MOCOS: variants seen among roughly 807,000 people sequenced by gnomAD.
MOCOS encodes the protein human molybdenum cofactor sulfurase.
MOCOS carries 86 observed loss-of-function variants against 83.6 expected under a neutral mutation model. That is an observed-to-expected ratio of 1.03 (90% confidence interval 0.86 to 1.23). The LOEUF (loss-of-function observed/expected upper bound fraction) is 1.23, where lower values mean the gene tolerates loss of function less well. Ranked by LOEUF, MOCOS falls within the 50% of genes most tolerant of loss-of-function variation. The pLI is 0.00. For synonymous variants in MOCOS, 445 were observed against 434.7 expected, an observed-to-expected ratio of 1.02 and a Z score of -0.29; for missense variants, 1,120 against 1,126.9, an observed-to-expected ratio of 0.99 and a Z score of 0.09.
At chr18:36,196,797 C>A (rs770270525) in intron 2 of MOCOS, among the ~76,000 whole-genome samples, 2 of 151,808 alleles carry the variant, frequency 1.3e-5, no homozygotes, top group Non-Finnish European at 2.9e-5. Flanking sequence ...AGGATAATTA[C>A]CAGGTCCCAC....
intron 4 of MOCOS, among the ~76,000 whole-genome samples, chr18:36,200,920 C>T (rs996706989): frequency 3.9e-5 from 6 of 152,236 alleles, no homozygotes; most frequent in African/African-American, 1.4e-4. Context: ...CAGGTTGTCA[C>T]TTGCCCTCAA....
At chr18:36,246,863 C>T (rs1419242454) in intron 9 of MOCOS, among the ~76,000 whole-genome samples, 2 of 152,146 alleles carry the variant, frequency 1.3e-5, no homozygotes, top group Admixed American at 6.5e-5. Flanking sequence ...TTTTGCCCTG[C>T]CTTGGCTAGG....
intron 1 of MOCOS, chr18:36,190,082 A>G (rs1376100331): frequency 1.3e-5 from 2 of 152,210 alleles, no homozygotes; most frequent in African/African-American, 4.8e-5. Flanking sequence ...CATTGGACCA[A>G]AAGCCAAAGC....
intron 9 of MOCOS, among the ~76,000 whole-genome samples, chr18:36,238,665 C>G (rs1378625050): frequency 1.1e-4 from 15 of 132,824 alleles, no homozygotes; most frequent in Non-Finnish European, 2.2e-4. Context: ...TGGTGCAGAG[C>G]TGAGTTCAAT....
chr18:36,252,473 A>C (rs2091625624), intron 11 of MOCOS, among the ~76,000 whole-genome samples: 1 of 152,056 alleles, frequency 6.6e-6, no homozygotes, highest in Non-Finnish European at 1.5e-5. Context: ...TGGGAGGATC[A>C]CTTGAGCCTG....
At chr18:36,214,679 A>G (rs548484105) in intron 7 of MOCOS, among the ~76,000 whole-genome samples, 81 of 152,198 alleles carry the variant, frequency 5.3e-4, no homozygotes, top group Middle Eastern at 3.4e-3. Flanking sequence ...GATCTCAACT[A>G]ACCATGAACT....
At position 36,220,098 on chromosome 18, in the gene MOCOS, G is replaced by C; in HGVS notation, c.1841G>C (p.Arg614Pro). The C allele has an allele frequency of 1.2e-6, 2 of 1,613,832 alleles. No homozygotes were observed. Among genetic ancestry groups the C allele is most frequent in the South Asian group, 2.2e-5 (2 of 91,074 alleles). Residue 614 changes from arginine (R) to proline (P), a missense_variant, in exon 9 of 15, where the codon CGG (arginine) becomes CCG (proline). Physicochemically the swap from Arg to Pro is moderately radical, Grantham distance 103. Coordinates refer to ENST00000261326, the MANE Select transcript of MOCOS (RefSeq NM_017947.4). Reference sequence around the variant, plus strand: ...GGAAACCAAGGGCTGCTATATGACCGGAGCTGGATGGTTGTGAATCACAAT... The same window carrying C: ...GGAAACCAAGGGCTGCTATATGACCCGAGCTGGATGGTTGTGAATCACAAT... ...PVGNQGLLYDRSWMVVNHNGV... is the reference protein window; with the variant it reads ...PVGNQGLLYDPSWMVVNHNGV...
Position 36,270,359 on chromosome 18 carries a change from C to T in MOCOS, c.*1674C>T, listed in dbSNP as rs12458900. Reference sequence around the variant, plus strand: ...ACATTGCCCCATTTCCAAGACCTTCCGCTGACAAATGCATCATATTAATTA... The same window carrying T: ...ACATTGCCCCATTTCCAAGACCTTCTGCTGACAAATGCATCATATTAATTA... On this transcript the variant is annotated 3_prime_UTR_variant, in exon 15 of 15. Coordinates refer to ENST00000261326, the MANE Select transcript of MOCOS (RefSeq NM_017947.4). The T allele has an allele frequency of 0.21, 32,341 of 151,976 alleles. 3,656 individuals are homozygous for T. Among genetic ancestry groups the T allele is most frequent in the Non-Finnish European group, 0.25 (16,807 of 67,960 alleles). 9.4% of individuals were successfully genotyped at this position (151,976 alleles called of 1,614,324 possible).
At chr18:36,214,546 A>C (rs2091468549) in intron 7 of MOCOS, among the ~76,000 whole-genome samples, 1 of 152,034 alleles carries the variant, frequency 6.6e-6, no homozygotes. Flanking sequence ...GAGGTTTTTC[A>C]CTTCAGGGTA....
intron 9 of MOCOS, among the ~76,000 whole-genome samples, 160 bp from the exon 10 acceptor site, chr18:36,248,762 A>G (rs553250710): frequency 6.6e-6 from 1 of 152,062 alleles, no homozygotes; most frequent in East Asian, 1.9e-4. Flanking sequence ...AAATGTGTGG[A>G]TTTATATTTT....
intron 1 of MOCOS, among the ~76,000 whole-genome samples, chr18:36,188,218 T>G (rs1056486818): frequency 6.6e-6 from 1 of 152,248 alleles, no homozygotes; most frequent in Non-Finnish European, 1.5e-5. Context: ...TGTATTCAGC[T>G]TTGATTTTCG....
At chr18:36,225,261 C>G (rs976734737) in intron 9 of MOCOS, among the ~76,000 whole-genome samples, 1 of 152,102 alleles carries the variant, frequency 6.6e-6, no homozygotes, top group Admixed American at 6.5e-5. Flanking sequence ...AAGTGATTCT[C>G]CTGCCTCAGC....
chr18:36,221,558 A>G (rs1368079213), intron 9 of MOCOS, among the ~76,000 whole-genome samples: 3 of 152,086 alleles, frequency 2.0e-5, no homozygotes, highest in Admixed American at 6.6e-5. Context: ...CTTTTGTGAT[A>G]TATAACATTT....
At position 36,261,515 on chromosome 18, in the gene MOCOS, C is replaced by T. The variant is rs1183453286; in HGVS notation, c.2409+1340C>T. On this transcript the variant is annotated intron_variant, in intron 13 of 14. Coordinates refer to ENST00000261326, the MANE Select transcript of MOCOS (RefSeq NM_017947.4). ...ATTCAGGCTCTGCACTCAGAAGGAA[C>T]ACCACTCTAACATCTAGGAAAGCAG... Among the ~76,000 whole-genome samples the T allele has an allele frequency of 2.0e-5, 3 of 152,172 alleles. No homozygotes were observed. In the East Asian group the frequency reaches 5.8e-4, roughly 29 times the overall value.
chr18:36,220,884 G>A (rs1040212791), intron 9 of MOCOS, among the ~76,000 whole-genome samples: 1 of 150,746 alleles, frequency 6.6e-6, no homozygotes, highest in African/African-American at 2.4e-5. Context: ...AGCCCAGATC[G>A]CACCACTGCA....
At chr18:36,197,305 T>C (rs1316553132) in intron 2 of MOCOS, among the ~76,000 whole-genome samples, 1 of 152,172 alleles carries the variant, frequency 6.6e-6, no homozygotes, top group African/African-American at 2.4e-5. Flanking sequence ...CCTGAGGCTG[T>C]ATACTGCATT....
At chr18:36,219,945 G>A (rs1198468016) in intron 8 of MOCOS, 110 bp from the exon 9 acceptor site, 2 of 1,339,816 alleles carry the variant, frequency 1.5e-6, no homozygotes, top group Non-Finnish European at 2.1e-6. Flanking sequence ...TCCTTCCAGT[G>A]TAGGTGCTGA....
chr18:36,199,227 A>G (rs2091401972), intron 3 of MOCOS, among the ~76,000 whole-genome samples: 1 of 152,194 alleles, frequency 6.6e-6, no homozygotes, highest in African/African-American at 2.4e-5. Context: ...GTATCTGGCA[A>G]ATAATTTCCA....
chr18:36,213,979 T>G (rs892905076), intron 7 of MOCOS, among the ~76,000 whole-genome samples: 7 of 140,178 alleles, frequency 5.0e-5, no homozygotes, highest in African/African-American at 1.9e-4. Flanking sequence ...CGGTGGCTCA[T>G]GCCTGTAATC....
Sources: allele counts gnomAD v4.1 joint callset (sites outside exome capture counted in the v4.1 genomes callset), GRCh38; gene constraint gnomAD v4.1.1; transcripts MANE v1.5; gene names NCBI Gene and HGNC (gene_info 2026-07-23, HGNC 2026-07-21).